Variants in RHOD observed in about 807,000 individuals in gnomAD.
RHOD encodes ras homolog family member D.
RHOD carries 11 observed loss-of-function variants against 16.7 expected under a neutral mutation model. That is an observed-to-expected ratio of 0.66 (90% confidence interval 0.41 to 1.09). The LOEUF (loss-of-function observed/expected upper bound fraction) is 1.09. Among genes scored for constraint, RHOD ranks in the 50% least tolerant of loss-of-function variants. The pLI is 0.00. For synonymous variants in RHOD, 124 were observed against 126.3 expected (o/e 0.98, Z 0.12); for missense variants, 271 against 291.7 (o/e 0.93, Z 0.52).
rs141423458 is a variant in RHOD at position 67,066,828 on chromosome 11, T to G, written c.311T>G (p.Phe104Cys). The change falls in exon 3 of 5, where the codon TTT becomes TGT. Residue 104 changes from phenylalanine to cysteine, a missense_variant. By Grantham distance (205) the Phe-to-Cys change is radical. Coordinates refer to ENST00000308831, the MANE Select transcript of RHOD (RefSeq NM_014578.4). Reference sequence around the variant, plus strand: ...TTCGATGTCACCAGCCCGAACAGCTTTGACAACATCTTTAACCGGGTAGGT... The same window carrying G: ...TTCGATGTCACCAGCCCGAACAGCTGTGACAACATCTTTAACCGGGTAGGT... Reference protein sequence around the residue: ...LCFDVTSPNSFDNIFNRWYPE... With the variant: ...LCFDVTSPNSCDNIFNRWYPE... The G allele has an allele frequency of 1.2e-5, 20 of 1,612,988 alleles. No homozygotes were observed. The African/African-American group carries it at 2.5e-4, about 20-fold the overall frequency.
chr11:67,059,726 C>G (rs560365182), intron 1 of RHOD, among the ~76,000 whole-genome samples: 51 of 152,296 alleles, frequency 3.3e-4, no homozygotes, highest in African/African-American at 1.2e-3. Context: ...CAGGTCTTCC[C>G]CCTCCCGACC....
intron 1 of RHOD, among the ~76,000 whole-genome samples, chr11:67,062,758 C>T (rs1360892927): frequency 6.6e-6 from 1 of 152,146 alleles, no homozygotes; most frequent in Non-Finnish European, 1.5e-5. Flanking sequence ...GTGGGCCGCA[C>T]CCGGCATGGG....
At position 67,071,810 on chromosome 11, in the gene RHOD, G is replaced by C. The variant is rs1457243446; in HGVS notation, c.*208G>C. On this transcript the variant is annotated 3_prime_UTR_variant, in exon 5 of 5. Coordinates refer to ENST00000308831, the MANE Select transcript of RHOD (RefSeq NM_014578.4). ...CTGCTCTGTGTAGGGCTCGTCCTGC[G>C]GTGCCCGAGAATCACTCGCTAACCC... The C allele has an allele frequency of 2.0e-6, 1 of 512,006 alleles. No individual in the cohort carries two copies. The highest frequency in any genetic ancestry group is 3.3e-5 in the East Asian group (1 of 29,918). The allele number at this position is 512,006 out of a possible 1,614,324, so 31.7% of individuals were successfully genotyped here.
chr11:67,065,500 G>A (rs1015401802), intron 1 of RHOD, among the ~76,000 whole-genome samples: 1 of 152,050 alleles, frequency 6.6e-6, no homozygotes, highest in African/African-American at 2.4e-5. Context: ...AGCCTCTTAA[G>A]TAGTGGGATT....
intron 1 of RHOD, among the ~76,000 whole-genome samples, chr11:67,061,845 T>C (rs1422258188): frequency 7.0e-6 from 1 of 143,186 alleles, no homozygotes; most frequent in Non-Finnish European, 1.5e-5. Flanking sequence ...TGTGTGTGTG[T>C]ATATATATAT....
In RHOD at chr11:67,066,003, G is replaced by C; in HGVS notation, c.220+20G>C. 1 of 1,304,122 alleles carries C rather than the reference G, an allele frequency of 7.7e-7. No homozygotes were observed. Among genetic ancestry groups the C allele is most frequent in the Non-Finnish European group, 1.1e-6 (1 of 901,954 alleles). 80.8% of individuals were successfully genotyped at this position (1,304,122 alleles called of 1,614,324 possible). On this transcript the variant is annotated intron_variant, in intron 2 of 4. Transcript: ENST00000308831. ...CAGCAGGTGGGTGTGCAGGGGTGGG[G>C]CAGGGTGGGAGGGGCTTCTGTGGGC... is the stretch of plus-strand genomic sequence containing the variant.
At chr11:67,060,350 T>C (rs1272710012) in intron 1 of RHOD, among the ~76,000 whole-genome samples, 1 of 152,242 alleles carries the variant, frequency 6.6e-6, no homozygotes, top group Non-Finnish European at 1.5e-5. Context: ...GTCCTTCTTT[T>C]CTGGCTGAGG....
chr11:67,071,528 G>A lies in RHOD; in HGVS notation c.559G>A (p.Ala187Thr), dbSNP rs577530152. ...DNVHAVFQEA[A>T]EVALSSRGRN... Reference sequence around the variant, plus strand: ...CGTCCACGCCGTCTTCCAGGAGGCCGCCGAGGTGGCCCTCAGCAGCCGCGG... The same window carrying A: ...CGTCCACGCCGTCTTCCAGGAGGCCACCGAGGTGGCCCTCAGCAGCCGCGG... Residue 187 changes from alanine to threonine, a missense_variant, in exon 5 of 5, where the codon GCC (alanine) becomes ACC (threonine). Transcript: ENST00000308831. 6 of 1,611,672 alleles carry A rather than the reference G, an allele frequency of 3.7e-6. No individual in the cohort carries two copies. The highest frequency in any genetic ancestry group is 2.2e-5 in the East Asian group (1 of 44,850).
chr11:67,068,369 C>A (rs569629605), intron 3 of RHOD, among the ~76,000 whole-genome samples: 248 of 152,214 alleles, frequency 1.6e-3, no homozygotes, highest in African/African-American at 5.6e-3. Flanking sequence ...GGCTGAACCC[C>A]AGGGAGAGGA....
chr11:67,071,889 C>T lies in RHOD; in HGVS notation c.*287C>T. The T allele has an allele frequency of 2.6e-6, 1 of 386,316 alleles. No individual in the cohort carries two copies. The highest frequency in any genetic ancestry group is 4.4e-5 in the Admixed American group (1 of 22,682). 23.9% of individuals were successfully genotyped at this position (386,316 alleles called of 1,614,324 possible). A position where few individuals can be genotyped will look rare whatever the true frequency, so the allele number is the denominator to read the frequency against. On this transcript the variant is annotated 3_prime_UTR_variant, in exon 5 of 5. Transcript: ENST00000308831. ...GAGCCGCCTGTGCAGCCTGATGCCC[C>T]CTCGTGGCTGCTCCCAGGGCTGCAC... is the stretch of plus-strand genomic sequence containing the variant.
intron 1 of RHOD, among the ~76,000 whole-genome samples, chr11:67,063,896 A>G (rs1231279995): frequency 2.7e-5 from 4 of 150,462 alleles, no homozygotes; most frequent in South Asian, 4.2e-4. Flanking sequence ...TCACGAGGTC[A>G]GGAGTTCGAG....
At chr11:67,062,164 G>A (rs1447952057) in intron 1 of RHOD, among the ~76,000 whole-genome samples, 1 of 152,164 alleles carries the variant, frequency 6.6e-6, no homozygotes, top group Non-Finnish European at 1.5e-5. Flanking sequence ...TGGAAGGATG[G>A]ACGGGGGCTC....
In RHOD at chr11:67,066,043, A is replaced by T. The variant is rs1036951167; in HGVS notation, c.220+60A>T. The T allele has an allele frequency of 3.0e-6, 4 of 1,326,004 alleles. No individual in the cohort carries two copies. The African/African-American group carries it at 5.8e-5, about 19-fold the overall frequency. 82.1% of individuals were successfully genotyped at this position (1,326,004 alleles called of 1,614,324 possible). On this transcript the variant is annotated intron_variant, in intron 2 of 4. Transcript: ENST00000308831. ...CTTCTGTGGGCCCCTGATGCCTGGG[A>T]CAGATTCCGCTCTGCTTCCTTCTGA...
In RHOD at chr11:67,071,613, G is replaced by A. The variant is rs560923516; in HGVS notation, c.*11G>A. Reference sequence around the variant, plus strand: ...TGCGTGGTGACCTGAGCGGCTCGGGGCGTCCCAGCGACGCGGGAAGGGGCA... The same window carrying A: ...TGCGTGGTGACCTGAGCGGCTCGGGACGTCCCAGCGACGCGGGAAGGGGCA... On this transcript the variant is annotated 3_prime_UTR_variant, in exon 5 of 5. Transcript: ENST00000308831. 2 of 1,581,880 alleles carry A rather than the reference G, an allele frequency of 1.3e-6. No homozygotes were observed. The highest frequency in any genetic ancestry group is 1.7e-6 in the Non-Finnish European group (2 of 1,162,708).
At chr11:67,061,838 G>A (rs1223545004) in intron 1 of RHOD, among the ~76,000 whole-genome samples, 6 of 144,442 alleles carry the variant, frequency 4.2e-5, no homozygotes, top group African/African-American at 1.5e-4. Context: ...GTGTGTGTGT[G>A]TGTGTGTATA....
chr11:67,071,431 C>G lies in RHOD; in HGVS notation c.466-4C>G, dbSNP rs1225849066. The G allele has an allele frequency of 6.3e-7, 1 of 1,584,848 alleles. No homozygotes were observed. The highest frequency in any genetic ancestry group is 8.6e-7 in the Non-Finnish European group (1 of 1,166,292). ...ACCGCAGCCCCATCCACCTCTCCCT[C>G]TAGGGCCAGGAGATGGCGAGGTCCG... On this transcript the variant is annotated splice_polypyrimidine_tract_variant and splice_region_variant and intron_variant, in intron 4 of 4. Coordinates refer to ENST00000308831, the MANE Select transcript of RHOD (RefSeq NM_014578.4).
chr11:67,065,787 C>G, intron 1 of RHOD, 109 bp from the exon 2 acceptor site: 1 of 704,108 alleles, frequency 1.4e-6, no homozygotes, highest in Non-Finnish European at 2.4e-6. Context: ...TTCTCACAAA[C>G]AACTACGCTC....
chr11:67,068,800 G>A (rs948422741), intron 3 of RHOD, among the ~76,000 whole-genome samples: 2 of 151,744 alleles, frequency 1.3e-5, no homozygotes, highest in African/African-American at 4.8e-5. Flanking sequence ...GAGCGGGACT[G>A]TCTCAAAAAA....
chr11:67,063,509 A>T (rs11600243), intron 1 of RHOD, among the ~76,000 whole-genome samples: 4,955 of 98,378 alleles, frequency 0.05, 122 homozygotes, highest in Middle Eastern at 0.08. Flanking sequence ...TTTTTTTTTT[A>T]AAAAAAGGCC....
Sources: allele counts gnomAD v4.1 joint callset (sites outside exome capture counted in the v4.1 genomes callset), GRCh38; gene constraint gnomAD v4.1.1; transcripts MANE v1.5; gene names NCBI Gene and HGNC (gene_info 2026-07-23, HGNC 2026-07-21).